The following ATP6V1E1 variants were observed in gnomAD, a reference collection of about 807,000 sequenced individuals.
ATP6V1E1 encodes V-type proton ATPase subunit E 1.
In ATP6V1E1, 21 loss-of-function variants were observed where a neutral mutation model predicts 35.2. The observed-to-expected ratio is 0.60, with a 90% CI of 0.42 to 0.86. The LOEUF is 0.86. Among genes scored for constraint, ATP6V1E1 ranks in the 40% least tolerant of loss-of-function variants. The pLI is 0.00. For synonymous variants in ATP6V1E1, 83 were observed against 87.8 expected, an observed-to-expected ratio of 0.95 and a Z score of 0.30; for missense variants, 183 against 272.6, an observed-to-expected ratio of 0.67 and a Z score of 2.32.
chr22:17,598,120 T>G, intron 7 of ATP6V1E1, 74 bp downstream of exon 7: 2 of 1,192,058 alleles, frequency 1.7e-6, no homozygotes, highest in South Asian at 2.5e-5. Context: ...AAAATACCAT[T>G]TAAAAAAGGC....
At chr22:17,618,543 G>A (rs749360925) in intron 2 of ATP6V1E1, among the ~76,000 whole-genome samples, 5 of 151,750 alleles carry the variant, frequency 3.3e-5, no homozygotes, top group Non-Finnish European at 7.4e-5. Flanking sequence ...TTAGCCAGGC[G>A]TGGTGGCGGG....
intron 1 of ATP6V1E1, 72 bp downstream of exon 1, chr22:17,628,531 T>C (rs8135527): frequency 6.2e-7 from 1 of 1,606,466 alleles, no homozygotes; most frequent in Non-Finnish European, 8.5e-7. Context: ...CCCGCGGCCT[T>C]CCCTAGGCGG....
At chr22:17,615,511 G>A (rs1202474142) in intron 2 of ATP6V1E1, among the ~76,000 whole-genome samples, 1 of 151,334 alleles carries the variant, frequency 6.6e-6, no homozygotes, top group African/African-American at 2.4e-5. Flanking sequence ...CTGGGCCTGG[G>A]TAGGCGCCTG....
chr22:17,627,373 CCCT>C (rs1290839014), intron 1 of ATP6V1E1, among the ~76,000 whole-genome samples: 1 of 151,612 alleles, frequency 6.6e-6, no homozygotes, highest in African/African-American at 2.4e-5. Context: ...AGGTGATCCG[CCCT>C]CCTCAGCCTC....
chr22:17,603,228 G>A (rs1412990453), intron 4 of ATP6V1E1, among the ~76,000 whole-genome samples: 1 of 152,174 alleles, frequency 6.6e-6, no homozygotes, highest in Non-Finnish European at 1.5e-5. Flanking sequence ...GGGATTACAG[G>A]TGTGAGCCAC....
At chr22:17,617,254 T>C (rs1164300267) in intron 2 of ATP6V1E1, among the ~76,000 whole-genome samples, 1 of 152,172 alleles carries the variant, frequency 6.6e-6, no homozygotes, top group Non-Finnish European at 1.5e-5. Flanking sequence ...AAAAGGACAA[T>C]GAAAATATTA....
rs1330046195 is a variant in ATP6V1E1, at chr22:17,609,253, C to A, written c.276+3559G>T. Among the ~76,000 whole-genome samples the A allele has an allele frequency of 2.7e-5, 4 of 149,942 alleles. No homozygotes were observed. The South Asian group carries it at 8.6e-4, about 32-fold the overall frequency. On this transcript the variant is annotated intron_variant, in intron 4 of 8. Coordinates refer to ENST00000253413, the MANE Select transcript of ATP6V1E1 (RefSeq NM_001696.4). ...TCAGCTCATTGCAACCTCCGCCTCCCGGGTTCAAGCAATTCTCCTGCCTCA... is the reference window on the plus strand; with the variant it reads ...TCAGCTCATTGCAACCTCCGCCTCCAGGGTTCAAGCAATTCTCCTGCCTCA...
chr22:17,592,347 A>C lies in ATP6V1E1; in HGVS notation c.*327T>G. On this transcript the variant is annotated 3_prime_UTR_variant, in exon 9 of 9. Transcript: ENST00000253413. Reference sequence around the variant, plus strand: ...GTGGGGACTGCAGGGCCAAACACCAAATACATCACCTTTAGGCCAGACGGA... The same window carrying C: ...GTGGGGACTGCAGGGCCAAACACCACATACATCACCTTTAGGCCAGACGGA... The C allele has an allele frequency of 3.2e-6, 1 of 316,722 alleles. No homozygotes were observed. The highest frequency in any genetic ancestry group is 6.5e-5 in the East Asian group (1 of 15,386). The allele number at this position is 316,722 out of a possible 1,614,324, so 19.6% of individuals were successfully genotyped here.
At chr22:17,620,789 C>A (rs773070749) in intron 1 of ATP6V1E1, among the ~76,000 whole-genome samples, 27 of 152,032 alleles carry the variant, frequency 1.8e-4, no homozygotes, top group Admixed American at 1.3e-3. Flanking sequence ...ACCGGCCGGG[C>A]ATGGTGGCTC....
intron 1 of ATP6V1E1, among the ~76,000 whole-genome samples, chr22:17,624,464 G>A (rs777369138): frequency 8.5e-5 from 13 of 152,108 alleles, no homozygotes; most frequent in Non-Finnish European, 1.9e-4. Context: ...TGATGCAGGA[G>A]GATCGCTTGA....
At position 17,600,039 on chromosome 22, in the gene ATP6V1E1, G is replaced by A; in HGVS notation, c.423C>T (p.Phe141=). Reference sequence around the variant, plus strand: ...CTAAGTTCTTTACCTTTACCAGAGGGAAATCTTGTTTCCTGCAACGAACAA... The same window carrying A: ...CTAAGTTCTTTACCTTTACCAGAGGAAAATCTTGTTTCCTGCAACGAACAA... ...RMIVRCRKQD[F]PLVKAAVQKA... Residue 141 remains phenylalanine (F), a synonymous_variant, in exon 6 of 9, where the codon TTC becomes TTT. Coordinates refer to ENST00000253413, the MANE Select transcript of ATP6V1E1 (RefSeq NM_001696.4). 1 of 1,613,712 alleles carries A rather than the reference G, an allele frequency of 6.2e-7. No homozygotes were observed. The highest frequency in any genetic ancestry group is 1.1e-5 in the South Asian group (1 of 91,074).
chr22:17,598,034 C>A (rs544227218), intron 7 of ATP6V1E1, 160 bp downstream of exon 7: 3 of 627,112 alleles, frequency 4.8e-6, no homozygotes, highest in African/African-American at 1.8e-5. Context: ...GAGAGCACTG[C>A]GAGAACAACA....
At chr22:17,623,021 C>G (rs901841308) in intron 1 of ATP6V1E1, among the ~76,000 whole-genome samples, 7 of 152,110 alleles carry the variant, frequency 4.6e-5, no homozygotes, top group Non-Finnish European at 8.8e-5. Context: ...TTAGAAGGGA[C>G]AGTTTTTTTG....
chr22:17,596,111 G>T (rs938970994), intron 7 of ATP6V1E1, among the ~76,000 whole-genome samples: 1 of 151,200 alleles, frequency 6.6e-6, no homozygotes. Flanking sequence ...CAGCCTGGGT[G>T]AGAGTGAGAC....
intron 1 of ATP6V1E1, among the ~76,000 whole-genome samples, chr22:17,627,605 G>C (rs1253247196): frequency 6.6e-6 from 1 of 151,066 alleles, no homozygotes; most frequent in East Asian, 2.1e-4. Context: ...GATCACCTGA[G>C]GTCAGGAGTT....
chr22:17,605,220 A>AG (rs1189392666), intron 4 of ATP6V1E1, among the ~76,000 whole-genome samples: 5 of 134,704 alleles, frequency 3.7e-5, no homozygotes, highest in African/African-American at 1.4e-4. Flanking sequence ...AAAAAAAAAA[A>AG]AAAGAAAAGA....
At chr22:17,615,108 C>T (rs2057836694) in intron 2 of ATP6V1E1, among the ~76,000 whole-genome samples, 1 of 151,802 alleles carries the variant, frequency 6.6e-6, no homozygotes, top group African/African-American at 2.4e-5. Flanking sequence ...CAAGACCAGC[C>T]TGGCCAACAT....
chr22:17,621,757 T>C (rs1053996522), intron 1 of ATP6V1E1, among the ~76,000 whole-genome samples: 2 of 152,206 alleles, frequency 1.3e-5, no homozygotes, highest in Non-Finnish European at 1.5e-5. Context: ...ATTTGGAACA[T>C]TCTTCCTTCT....
chr22:17,618,211 AAAT>A (rs1206963073), intron 2 of ATP6V1E1, among the ~76,000 whole-genome samples: 3 of 152,224 alleles, frequency 2.0e-5, no homozygotes, highest in African/African-American at 7.2e-5. Flanking sequence ...CACGGTTGTT[AAAT>A]ATCTGAATTT....
Sources: gnomAD v4.1 joint callset for allele counts (sites outside exome capture counted in the v4.1 genomes callset) on GRCh38, gnomAD v4.1.1 for gene constraint, MANE v1.5 for transcripts, NCBI Gene and HGNC (gene_info 2026-07-23, HGNC 2026-07-21) for gene names.